The following BNIP3L variants were observed in gnomAD, a reference collection of about 807,000 sequenced individuals.
BNIP3L encodes the protein BCL2/adenovirus E1B 19 kDa protein-interacting protein 3-like.
BNIP3L carries 10 observed loss-of-function variants against 25.5 expected under a neutral mutation model. The ratio of observed to expected loss-of-function variants is 0.39; its 90% CI spans 0.24 to 0.67. BNIP3L has a LOEUF of 0.67. BNIP3L is among the 30% of genes least tolerant of loss of function. The probability of loss-of-function intolerance (pLI) is 0.45; values close to 1 mark genes in which losing one functional copy is unlikely to be tolerated. For synonymous variants in BNIP3L, 113 were observed against 101.2 expected (o/e 1.12, Z -0.70); for missense variants, 215 against 270.9 (o/e 0.79, Z 1.45).
At chr8:26,383,500 C>A in intron 1 of BNIP3L, 1 of 903,708 alleles carries the variant, frequency 1.1e-6, no homozygotes, top group Non-Finnish European at 1.3e-6. Context: ...CCCCCTGGTG[C>A]GGGGGGTGGT....
rs564580294 is a variant in BNIP3L at position 26,383,110 on chromosome 8, A to G, written c.-21A>G. ...CCGGAGACGGTCCTGCTGCTGCCGC[A>G]GTCCTGCCAGCTGTCCGACAATGTC... On this transcript the variant is annotated 5_prime_UTR_variant, in exon 1 of 6. Transcript: ENST00000380629. 1.3e-6 allele frequency: 2 copies of G among 1,588,578 alleles called. No homozygotes were observed. Among genetic ancestry groups the G allele is most frequent in the African/African-American group, 1.3e-5 (1 of 74,684 alleles).
intron 3 of BNIP3L, among the ~76,000 whole-genome samples, chr8:26,399,704 A>G (rs1277642201): frequency 2.9e-5 from 2 of 68,512 alleles, no homozygotes; most frequent in Non-Finnish European, 6.0e-5. Context: ...TAAGCTGATA[A>G]GCAACTTCAG....
intron 3 of BNIP3L, among the ~76,000 whole-genome samples, chr8:26,404,024 A>G (rs957705596): frequency 6.6e-6 from 1 of 152,228 alleles, no homozygotes. Flanking sequence ...AATGAATTCG[A>G]TTGATAACAG....
intron 3 of BNIP3L, among the ~76,000 whole-genome samples, chr8:26,396,355 C>T (rs1472674410): frequency 2.5e-5 from 2 of 80,444 alleles, no homozygotes; most frequent in African/African-American, 1.0e-4. Flanking sequence ...CACCCCCCAG[C>T]AGGGGCACAC....
chr8:26,402,602 G>C (rs531215380), intron 3 of BNIP3L, among the ~76,000 whole-genome samples: 10 of 152,292 alleles, frequency 6.6e-5, no homozygotes, highest in African/African-American at 2.4e-4. Flanking sequence ...AGTCGCATGA[G>C]TAATTCTGAC....
chr8:26,394,623 C>T lies in BNIP3L; in HGVS notation c.285-607C>T, dbSNP rs1480152844. On this transcript the variant is annotated intron_variant, in intron 2 of 5. Transcript: ENST00000380629. Reference sequence around the variant, plus strand: ...TTTACACATTTACAAATCTCTAATACCAAGCTTAATAGAAGACAGCTGGTT... The same window carrying T: ...TTTACACATTTACAAATCTCTAATATCAAGCTTAATAGAAGACAGCTGGTT... 2.0e-5 allele frequency among the ~76,000 whole-genome samples: 3 copies of T among 152,242 alleles called. 1 individual carries two copies. Among genetic ancestry groups the T allele is most frequent in the African/African-American group, 2.4e-5 (1 of 41,532 alleles).
chr8:26,383,409 G>T lies in BNIP3L; in HGVS notation c.100+179G>T, dbSNP rs1203257503. ...AGAGGAGGGGCGCCTGCCTTGCTCC[G>T]GGCCTCTCTGTTGCCTCCTGGGGTC... is the stretch of plus-strand genomic sequence containing the variant. On this transcript the variant is annotated intron_variant, in intron 1 of 5. Coordinates refer to ENST00000380629, the MANE Select transcript of BNIP3L (RefSeq NM_004331.3). 27 of 1,433,330 alleles carry T rather than the reference G, an allele frequency of 1.9e-5. No homozygotes were observed. The East Asian group carries it at 6.3e-4, about 34-fold the overall frequency. The allele number at this position is 1,433,330 out of a possible 1,614,324, so 88.8% of individuals were successfully genotyped here. A position where few individuals can be genotyped will look rare whatever the true frequency, so the allele number is the denominator to read the frequency against.
At position 26,412,511 on chromosome 8, in the gene BNIP3L, A is replaced by G. The variant is rs1449273502; in HGVS notation, c.*2099A>G. On this transcript the variant is annotated 3_prime_UTR_variant, in exon 6 of 6. Transcript: ENST00000380629. The stretch of plus-strand genomic sequence containing the variant: ...ATTTATGATTTCTTTCAGCGTTAAA[A>G]AGAAACATAGTGTTGCCCTTTTTCT... The G allele has an allele frequency of 6.6e-6, 1 of 152,232 alleles. No homozygotes were observed. The highest frequency in any genetic ancestry group is 1.5e-5 in the Non-Finnish European group (1 of 68,034). 9.4% of individuals were successfully genotyped at this position (152,232 alleles called of 1,614,324 possible). A position where few individuals can be genotyped will look rare whatever the true frequency, so the allele number is the denominator to read the frequency against.
chr8:26,387,041 A>G (rs924429076), intron 1 of BNIP3L, among the ~76,000 whole-genome samples: 4 of 152,212 alleles, frequency 2.6e-5, no homozygotes, highest in East Asian at 1.9e-4. Flanking sequence ...AAAGAGTTAC[A>G]TGTGGGCCTT....
At chr8:26,387,597 A>G (rs1353699595) in intron 1 of BNIP3L, among the ~76,000 whole-genome samples, 2 of 152,220 alleles carry the variant, frequency 1.3e-5, no homozygotes, top group African/African-American at 4.8e-5. Context: ...GATGGGAAAC[A>G]GACGTGTTGT....
intron 1 of BNIP3L, among the ~76,000 whole-genome samples, chr8:26,383,931 C>T (rs1406401120): frequency 6.6e-6 from 1 of 151,378 alleles, no homozygotes; most frequent in African/African-American, 2.4e-5. Flanking sequence ...GTTGTGCGCC[C>T]AGTAAAGCTG....
At chr8:26,390,215 A>G (rs964026343) in intron 1 of BNIP3L, 16 of 432,802 alleles carry the variant, frequency 3.7e-5, no homozygotes, top group African/African-American at 3.2e-4. Context: ...CAGCCTCCCA[A>G]AGTGCTGGGA....
rs545429823 is a variant in BNIP3L at position 26,408,797 on chromosome 8, G to C, written c.611+421G>C. On this transcript the variant is annotated intron_variant, in intron 5 of 5. Coordinates refer to ENST00000380629, the MANE Select transcript of BNIP3L (RefSeq NM_004331.3). ...TGAGGCAGGAGAATCGCTTGAACAT[G>C]GGAGGCGGAAATTGCAGTGAGCCGA... Among the ~76,000 whole-genome samples the C allele has an allele frequency of 4.0e-5, 6 of 151,288 alleles. No homozygotes were observed. In the East Asian group the frequency reaches 1.2e-3, roughly 30 times the overall value.
At chr8:26,407,835 A>G (rs1215127708) in intron 3 of BNIP3L, among the ~76,000 whole-genome samples, 165 bp from the exon 4 acceptor site, 2 of 152,164 alleles carry the variant, frequency 1.3e-5, no homozygotes, top group Non-Finnish European at 2.9e-5. Context: ...ACATACTCTG[A>G]TCTTACATTA....
In BNIP3L at chr8:26,395,257, C is replaced by G; in HGVS notation, c.312C>G (p.Ile104Met). The G allele has an allele frequency of 6.2e-7, 1 of 1,614,066 alleles. No homozygotes were observed. Among genetic ancestry groups the G allele is most frequent in the Non-Finnish European group, 8.5e-7 (1 of 1,179,994 alleles). Residue 104 changes from isoleucine to methionine, a missense_variant, in exon 3 of 6, where the codon ATC becomes ATG. Around this residue, in one of 4 missense-constraint regions of BNIP3L, gnomAD observed 47 missense variants for 43.3 expected, o/e 1.09. Transcript: ENST00000380629. The part of the protein sequence containing the change: ...DSPSPQEDGQ[I>M]MFDVEMHTSR... Reference sequence around the variant, plus strand: ...CTTCGCCACAAGAAGATGGGCAGATCATGTTTGATGTGGAAATGCACACCA... The same window carrying G: ...CTTCGCCACAAGAAGATGGGCAGATGATGTTTGATGTGGAAATGCACACCA...
At chr8:26,383,302 G>T in intron 1 of BNIP3L, 72 bp downstream of exon 1, 1 of 1,544,088 alleles carries the variant, frequency 6.5e-7, no homozygotes, top group South Asian at 1.2e-5. Context: ...CCACCGGCGC[G>T]GCGCGGGAGG....
chr8:26,410,035 A>C (rs1035370080), intron 5 of BNIP3L, among the ~76,000 whole-genome samples: 2 of 152,110 alleles, frequency 1.3e-5, no homozygotes, highest in East Asian at 3.9e-4. Flanking sequence ...TCTGTCCACC[A>C]AAGAGGAACA....
chr8:26,398,882 C>T (rs1806307906), intron 3 of BNIP3L, among the ~76,000 whole-genome samples: 1 of 151,366 alleles, frequency 6.6e-6, no homozygotes, highest in African/African-American at 2.4e-5. Context: ...AGTTGAATCT[C>T]TGAATAGACC....
chr8:26,403,273 A>G (rs945263007), intron 3 of BNIP3L, among the ~76,000 whole-genome samples: 1 of 152,172 alleles, frequency 6.6e-6, no homozygotes, highest in East Asian at 1.9e-4. Context: ...AACCTTTGAC[A>G]TTGCCTTTTT....
Sources: gnomAD v4.1 joint callset for allele counts (sites outside exome capture counted in the v4.1 genomes callset) on GRCh38, gnomAD v4.1.1 for gene constraint, gnomAD v4.1.1 regional missense constraint, MANE v1.5 for transcripts, NCBI Gene and HGNC (gene_info 2026-07-23, HGNC 2026-07-21) for gene names.